Variants in GHR observed in about 807,000 individuals in gnomAD.
GHR encodes the protein GH receptor.
Under a neutral mutation model 67.1 loss-of-function variants are expected in GHR, and 35 were observed. The ratio of observed to expected loss-of-function variants is 0.52; its 90% CI spans 0.40 to 0.69. The LOEUF is 0.69. GHR is among the 30% of genes least tolerant of loss of function. The pLI is 0.00. For synonymous variants in GHR, 272 were observed against 269.1 expected (o/e 1.01, Z -0.10); for missense variants, 792 against 764.6 (o/e 1.04, Z -0.42).
At chr5:42,483,892 A>G (rs368541203) in intron 1 of GHR, among the ~76,000 whole-genome samples, 1 of 152,248 alleles carries the variant, frequency 6.6e-6, no homozygotes. Flanking sequence ...CAGTTGTAAC[A>G]TACTGGGCTG....
At chr5:42,599,727 AAACAAC>A (rs975753390) in intron 2 of GHR, among the ~76,000 whole-genome samples, 126 of 152,194 alleles carry the variant, frequency 8.3e-4, no homozygotes, top group Middle Eastern at 6.8e-3. Context: ...TTAACAACAA[AAACAAC>A]AACAACAACA....
rs114327217 is a variant in GHR at position 42,685,319 on chromosome 5, A to C, written c.137-3571A>C. On this transcript the variant is annotated intron_variant, in intron 3 of 9. Coordinates refer to ENST00000230882, the MANE Select transcript of GHR (RefSeq NM_000163.5). ...TAGTATTCCATGGTGCATATATGCAACATTTTCTTTAACCAGTCTATCACT... is the reference window on the plus strand; with the variant it reads ...TAGTATTCCATGGTGCATATATGCACCATTTTCTTTAACCAGTCTATCACT... 1.1e-3 allele frequency among the ~76,000 whole-genome samples: 162 copies of C among 152,292 alleles called. 3 individuals are homozygous for C. The highest frequency in any genetic ancestry group is 2.1e-3 in the Non-Finnish European group (142 of 68,026).
intron 1 of GHR, among the ~76,000 whole-genome samples, chr5:42,503,572 G>C (rs1312404623): frequency 2.0e-5 from 3 of 152,182 alleles, no homozygotes; most frequent in African/African-American, 4.8e-5. Context: ...CCTGCTATGA[G>C]TGTCACCATT....
chr5:42,516,482 A>C (rs1415857713), intron 1 of GHR, among the ~76,000 whole-genome samples: 1 of 152,066 alleles, frequency 6.6e-6, no homozygotes, highest in South Asian at 2.1e-4. Flanking sequence ...TCCCTTTTGC[A>C]ACATGACATG....
chr5:42,672,610 G>A (rs1756372498), intron 3 of GHR, among the ~76,000 whole-genome samples: 1 of 152,078 alleles, frequency 6.6e-6, no homozygotes, highest in South Asian at 2.1e-4. Flanking sequence ...ATATGTAGAA[G>A]AATGAAACTG....
At chr5:42,546,429 G>A (rs755718070) in intron 1 of GHR, among the ~76,000 whole-genome samples, 18 of 152,170 alleles carry the variant, frequency 1.2e-4, no homozygotes, top group Non-Finnish European at 2.2e-4. Context: ...GTGAGGAGGG[G>A]AAGTGTAGGG....
intron 1 of GHR, among the ~76,000 whole-genome samples, chr5:42,462,349 C>A (rs540889573): frequency 1.3e-5 from 2 of 152,286 alleles, no homozygotes; most frequent in East Asian, 3.9e-4. Flanking sequence ...ATGATGAAGT[C>A]ATTCCTCATT....
At chr5:42,480,871 C>G (rs1047746922) in intron 1 of GHR, among the ~76,000 whole-genome samples, 1 of 152,166 alleles carries the variant, frequency 6.6e-6, no homozygotes, top group African/African-American at 2.4e-5. Flanking sequence ...TTAATTGGAG[C>G]ATTTAGCCCA....
intron 3 of GHR, among the ~76,000 whole-genome samples, chr5:42,673,176 A>G (rs1488170625): frequency 1.3e-5 from 2 of 152,228 alleles, no homozygotes; most frequent in African/African-American, 4.8e-5. Flanking sequence ...ATCACTAATC[A>G]TCAGAGAAAT....
At chr5:42,441,186 G>A (rs189426447) in intron 1 of GHR, among the ~76,000 whole-genome samples, 1 of 152,310 alleles carries the variant, frequency 6.6e-6, no homozygotes, top group East Asian at 1.9e-4. Context: ...AAGTGGAAAA[G>A]TTGACAAGAG....
intron 1 of GHR, among the ~76,000 whole-genome samples, chr5:42,538,061 G>A (rs189582724): frequency 1.2e-4 from 18 of 152,208 alleles, no homozygotes; most frequent in Non-Finnish European, 7.4e-5. Flanking sequence ...TATGTGTTAG[G>A]TGAGTCTCCT....
chr5:42,450,762 G>C (rs1235409186), intron 1 of GHR, among the ~76,000 whole-genome samples: 1 of 151,834 alleles, frequency 6.6e-6, no homozygotes, highest in Non-Finnish European at 1.5e-5. Context: ...TTTGATTTAG[G>C]CATTTAAAAC....
At chr5:42,663,214 A>G (rs1755749911) in intron 3 of GHR, among the ~76,000 whole-genome samples, 1 of 152,222 alleles carries the variant, frequency 6.6e-6, no homozygotes, top group Admixed American at 6.5e-5. Flanking sequence ...AATCAATAGA[A>G]AAAGAAGGAA....
chr5:42,483,675 A>C (rs536849251), intron 1 of GHR, among the ~76,000 whole-genome samples: 1 of 152,318 alleles, frequency 6.6e-6, no homozygotes, highest in South Asian at 2.1e-4. Flanking sequence ...CATTTAGTGA[A>C]GCCAAGCAAT....
chr5:42,506,502 A>G (rs1244282631), intron 1 of GHR, among the ~76,000 whole-genome samples: 2 of 152,160 alleles, frequency 1.3e-5, no homozygotes, highest in Admixed American at 6.5e-5. Flanking sequence ...AAAAGTTTCT[A>G]ACATATATTC....
At chr5:42,568,434 G>C (rs2112487767) in intron 2 of GHR, among the ~76,000 whole-genome samples, 1 of 152,202 alleles carries the variant, frequency 6.6e-6, no homozygotes, top group Admixed American at 6.5e-5. Context: ...TCCAAAATCA[G>C]GAATGATCCA....
intron 2 of GHR, chr5:42,619,933 G>T (rs981750273): frequency 6.6e-6 from 1 of 152,138 alleles, no homozygotes; most frequent in East Asian, 1.9e-4. Context: ...ACTACTACCA[G>T]TATCAGCCTA....
At chr5:42,437,297 T>A (rs936059768) in intron 1 of GHR, among the ~76,000 whole-genome samples, 1 of 152,178 alleles carries the variant, frequency 6.6e-6, no homozygotes, top group Non-Finnish European at 1.5e-5. Flanking sequence ...GTCATGGTTT[T>A]AAACCGTGAC....
At position 42,719,724 on chromosome 5, in the gene GHR, G is replaced by A. The variant is rs2910875; in HGVS notation, c.*300G>A. On this transcript the variant is annotated 3_prime_UTR_variant, in exon 10 of 10. Coordinates refer to ENST00000230882, the MANE Select transcript of GHR (RefSeq NM_000163.5). ...AATTTTTGATACTAAGCATTGAATG[G>A]CTATGTTTTTAATGTATAGTAAATC... is the stretch of plus-strand genomic sequence containing the variant. The A allele has an allele frequency of 0.44, 173,604 of 390,290 alleles. 39,407 individuals are homozygous for A. Among genetic ancestry groups the A allele is most frequent in the East Asian group, 0.59 (10,094 of 17,108 alleles). The allele number at this position is 390,290 out of a possible 1,614,324, so 24.2% of individuals were successfully genotyped here. A position where few individuals can be genotyped will look rare whatever the true frequency, so the allele number is the denominator to read the frequency against.
Sources: allele counts gnomAD v4.1 joint callset (sites outside exome capture counted in the v4.1 genomes callset), GRCh38; gene constraint gnomAD v4.1.1; transcripts MANE v1.5; gene names NCBI Gene and HGNC (gene_info 2026-07-23, HGNC 2026-07-21).